Variants in SEMA3C observed in about 807,000 individuals in gnomAD.
SEMA3C encodes semaphorin 3C, also known as semaphorin-3C.
A neutral mutation model predicts 89.4 loss-of-function variants in SEMA3C; 47 were observed. The observed-to-expected ratio is 0.53, with a 90% CI of 0.42 to 0.67. The LOEUF is 0.67. Among genes scored for constraint, SEMA3C ranks in the 30% least tolerant of loss-of-function variants. The pLI, the probability that SEMA3C is intolerant of heterozygous loss-of-function variation, is 0.00. For synonymous variants in SEMA3C, 310 were observed against 320.2 expected (o/e 0.97, Z 0.34); for missense variants, 839 against 929.1 (o/e 0.90, Z 1.26).
intron 5 of SEMA3C, among the ~76,000 whole-genome samples, chr7:80,817,003 A>G (rs1789623388): frequency 6.6e-6 from 1 of 152,242 alleles, no homozygotes; most frequent in Non-Finnish European, 1.5e-5. Flanking sequence ...TGTCTGACAG[A>G]TTGCAGACGT....
intron 2 of SEMA3C, among the ~76,000 whole-genome samples, chr7:80,848,272 C>T (rs923688755): frequency 5.3e-5 from 8 of 152,156 alleles, no homozygotes; most frequent in African/African-American, 1.9e-4. Context: ...ACTATGCTCC[C>T]TCCTTTTAGT....
In SEMA3C at chr7:80,859,394, G is replaced by A. The variant is rs191137289; in HGVS notation, c.104-30649C>T. On this transcript the variant is annotated intron_variant, in intron 2 of 17. Transcript: ENST00000265361. Reference sequence around the variant, plus strand: ...TTGTGGTTGTATTGAAAAAGTACCCGATGAGCTCCCTAGAGAGGATACCTG... The same window carrying A: ...TTGTGGTTGTATTGAAAAAGTACCCAATGAGCTCCCTAGAGAGGATACCTG... Among the ~76,000 whole-genome samples, 50 of 152,106 alleles carry A rather than the reference G, an allele frequency of 3.3e-4. No homozygotes were observed. The East Asian group carries it at 4.4e-3, about 14-fold the overall frequency.
chr7:80,860,037 C>T (rs912711093), intron 2 of SEMA3C, among the ~76,000 whole-genome samples: 4 of 151,896 alleles, frequency 2.6e-5, no homozygotes, highest in East Asian at 1.9e-4. Flanking sequence ...GACTATAGAA[C>T]GACCACTTAG....
chr7:80,826,902 A>T (rs545793385), intron 4 of SEMA3C, among the ~76,000 whole-genome samples: 57 of 152,322 alleles, frequency 3.7e-4, no homozygotes, highest in African/African-American at 1.3e-3. Flanking sequence ...CAATTTGCAC[A>T]GGTATTGCAT....
chr7:80,812,098 T>C (rs1228667004), intron 5 of SEMA3C, among the ~76,000 whole-genome samples: 2 of 152,192 alleles, frequency 1.3e-5, no homozygotes, highest in Non-Finnish European at 2.9e-5. Flanking sequence ...CAATTTCTAA[T>C]TGATCATACT....
chr7:80,903,675 AT>A (rs1377122770), intron 2 of SEMA3C, among the ~76,000 whole-genome samples: 3 of 152,162 alleles, frequency 2.0e-5, no homozygotes, highest in Non-Finnish European at 4.4e-5. Flanking sequence ...AAAATTAAAA[AT>A]AAATCTTATG....
At chr7:80,751,441 CT>C in intron 15 of SEMA3C, 105 bp from the exon 16 acceptor site, 1 of 985,846 alleles carries the variant, frequency 1.0e-6, no homozygotes. Flanking sequence ...TATTGCTAAG[CT>C]TTCATAAAAT....
At chr7:80,857,306 T>A (rs1320141566) in intron 2 of SEMA3C, among the ~76,000 whole-genome samples, 1 of 152,146 alleles carries the variant, frequency 6.6e-6, no homozygotes, top group Non-Finnish European at 1.5e-5. Flanking sequence ...GAAATTTGAA[T>A]TTTCAGGATG....
chr7:80,921,885 A>G (rs1792415352), upstream of SEMA3C, among the ~76,000 whole-genome samples: 1 of 152,186 alleles, frequency 6.6e-6, no homozygotes, highest in South Asian at 2.1e-4. Flanking sequence ...TGAGTTACAT[A>G]CTTTTCTCCA....
chr7:80,836,554 T>C (rs1277414529), intron 2 of SEMA3C, among the ~76,000 whole-genome samples: 1 of 152,100 alleles, frequency 6.6e-6, no homozygotes, highest in Non-Finnish European at 1.5e-5. Context: ...GGCAGGCATC[T>C]GTAATCCCAG....
chr7:80,816,809 A>G (rs1489227015), intron 5 of SEMA3C, among the ~76,000 whole-genome samples: 1 of 152,232 alleles, frequency 6.6e-6, no homozygotes. Context: ...TAGCAAAGTG[A>G]TTAAAATGTA....
At chr7:80,916,914 G>A (rs769995908) in intron 1 of SEMA3C, 95 bp from the exon 2 acceptor site, 39 of 957,214 alleles carry the variant, frequency 4.1e-5, no homozygotes, top group Non-Finnish European at 5.6e-5. Context: ...ATTCACAAAA[G>A]AACCATCTGA....
intron 4 of SEMA3C, among the ~76,000 whole-genome samples, chr7:80,824,992 T>A (rs570849826): frequency 1.6e-4 from 25 of 152,150 alleles, no homozygotes; most frequent in Non-Finnish European, 3.4e-4. Context: ...ACCTCCAGTT[T>A]CTTCACAACA....
intron 2 of SEMA3C, among the ~76,000 whole-genome samples, chr7:80,906,068 T>G (rs1160233098): frequency 6.6e-6 from 1 of 152,146 alleles, no homozygotes; most frequent in Admixed American, 6.5e-5. Flanking sequence ...CCTAAAAGCT[T>G]TTTTTCTCTT....
intron 5 of SEMA3C, among the ~76,000 whole-genome samples, chr7:80,816,795 T>A (rs1452070326): frequency 1.3e-5 from 2 of 152,246 alleles, no homozygotes; most frequent in Non-Finnish European, 2.9e-5. Flanking sequence ...AAGTAGTTCA[T>A]ATTTAGCAAA....
chr7:80,801,538 A>C (rs1330493282), intron 9 of SEMA3C, among the ~76,000 whole-genome samples: 1 of 152,106 alleles, frequency 6.6e-6, no homozygotes, highest in African/African-American at 2.4e-5. Flanking sequence ...GATTATATGA[A>C]AGGCCCAGAC....
chr7:80,755,975 A>C (rs1460284236), intron 15 of SEMA3C, among the ~76,000 whole-genome samples: 1 of 152,126 alleles, frequency 6.6e-6, no homozygotes, highest in East Asian at 1.9e-4. Context: ...ACAGTCTTGG[A>C]ACGCATCTAC....
intron 12 of SEMA3C, among the ~76,000 whole-genome samples, chr7:80,786,114 C>T (rs565794436): frequency 6.6e-6 from 1 of 152,176 alleles, no homozygotes; most frequent in Non-Finnish European, 1.5e-5. Context: ...ACTCCTGTGG[C>T]TTTGTAAGCA....
chr7:80,882,640 T>C (rs187564603), intron 2 of SEMA3C, among the ~76,000 whole-genome samples: 1 of 152,106 alleles, frequency 6.6e-6, no homozygotes, highest in African/African-American at 2.4e-5. Context: ...ACTTTCCCCA[T>C]TGAGGAGTCT....
Sources: gnomAD v4.1 joint callset for allele counts (sites outside exome capture counted in the v4.1 genomes callset) on GRCh38, gnomAD v4.1.1 for gene constraint, MANE v1.5 for transcripts, NCBI Gene and HGNC (gene_info 2026-07-23, HGNC 2026-07-21) for gene names.